Variants in CSMD1 observed in about 807,000 individuals in gnomAD.
CSMD1 encodes the protein CUB and sushi domain-containing protein 1.
Under a neutral mutation model 417.5 loss-of-function variants are expected in CSMD1, and 213 were observed. The ratio of observed to expected loss-of-function variants is 0.51; its 90% CI spans 0.46 to 0.57. CSMD1 has a LOEUF of 0.57. CSMD1 is among the 20% of genes least tolerant of loss of function. The pLI is 0.00. For synonymous variants in CSMD1, 2,862 were observed against 1,736.8 expected (o/e 1.65, Z -16.11); for missense variants, 6,923 against 4,529.7 (o/e 1.53, Z -15.17).
intron 5 of CSMD1, among the ~76,000 whole-genome samples, chr8:3,759,333 G>A (rs575321568): frequency 6.6e-6 from 1 of 151,968 alleles, no homozygotes; most frequent in East Asian, 1.9e-4. Flanking sequence ...AACAAAATAT[G>A]GTACAATGTG....
chr8:3,142,473 G>A lies in CSMD1; in HGVS notation c.6233C>T (p.Ala2078Val), dbSNP rs765162610. 1.1e-5 allele frequency: 17 copies of A among 1,613,172 alleles called. No individual in the cohort carries two copies. Among genetic ancestry groups the A allele is most frequent in the East Asian group, 6.7e-5 (3 of 44,876 alleles). ...HSQNRQGFKL[A>V]YQAYELQNCP... ...TCGTTGTTGTTCCATACCTTGGTAA[G>A]CAAGTTTAAATCCTTGCCGGTTTTG... Residue 2078 changes from alanine to valine, a missense_variant, in exon 41 of 70, where the codon GCT (alanine) becomes GTT (valine). Coordinates refer to ENST00000635120, the MANE Select transcript of CSMD1 (RefSeq NM_033225.6).
intron 3 of CSMD1, among the ~76,000 whole-genome samples, chr8:4,184,256 A>T (rs548727556): frequency 9.3e-4 from 141 of 152,364 alleles, no homozygotes; most frequent in African/African-American, 3.4e-3. Flanking sequence ...CATTCAGCAC[A>T]GCCCATATGC....
chr8:3,716,044 G>A (rs13269405), intron 6 of CSMD1, among the ~76,000 whole-genome samples: 77,080 of 151,794 alleles, frequency 0.51, 19,685 homozygotes, highest in Admixed American at 0.59. Context: ...TATTTTGGTC[G>A]AATGTCCACC....
chr8:4,870,053 C>G (rs901341018), intron 1 of CSMD1, among the ~76,000 whole-genome samples: 1 of 151,982 alleles, frequency 6.6e-6, no homozygotes, highest in Non-Finnish European at 1.5e-5. Context: ...GTACCAGAAC[C>G]GCAGACTTCA....
intron 2 of CSMD1, among the ~76,000 whole-genome samples, chr8:4,466,285 G>T (rs567143064): frequency 3.3e-5 from 5 of 152,028 alleles, no homozygotes; most frequent in South Asian, 2.1e-4. Flanking sequence ...TGATGAGGAA[G>T]AAAACAGAGG....
chr8:4,676,871 A>G (rs1304962657), intron 1 of CSMD1, among the ~76,000 whole-genome samples: 2 of 150,376 alleles, frequency 1.3e-5, no homozygotes, highest in African/African-American at 4.9e-5. Flanking sequence ...AGAGATATAC[A>G]TATTTTATAT....
chr8:4,749,373 T>A (rs1474436337), intron 1 of CSMD1, among the ~76,000 whole-genome samples: 1 of 152,264 alleles, frequency 6.6e-6, no homozygotes, highest in Non-Finnish European at 1.5e-5. Context: ...GCATAGTTGC[T>A]AAGCGGTCCT....
intron 37 of CSMD1, among the ~76,000 whole-genome samples, chr8:3,165,129 A>C (rs1350122667): frequency 2.6e-5 from 4 of 152,076 alleles, no homozygotes; most frequent in Admixed American, 1.3e-4. Context: ...TTGAAATGTA[A>C]AAAGAACCAT....
intron 3 of CSMD1, among the ~76,000 whole-genome samples, chr8:4,247,671 T>C (rs1190938181): frequency 1.3e-5 from 2 of 152,176 alleles, no homozygotes; most frequent in African/African-American, 4.8e-5. Context: ...GAAATTAATT[T>C]TGTAATGTAT....
chr8:3,489,912 C>A lies in CSMD1; in HGVS notation c.1448+3711G>T, dbSNP rs182169468. ...GCCATGAAGAGGTTTTAAACTGCTG[C>A]TTTATGTAAAATGTGTGTCATGTGA... On this transcript the variant is annotated intron_variant, in intron 11 of 69. Transcript: ENST00000635120. 5.4e-3 allele frequency among the ~76,000 whole-genome samples: 825 copies of A among 152,260 alleles called. 3 individuals are homozygous for A. Among genetic ancestry groups the A allele is most frequent in the Non-Finnish European group, 9.5e-3 (645 of 68,018 alleles).
At chr8:3,123,931 CT>C (rs1213509356) in intron 41 of CSMD1, among the ~76,000 whole-genome samples, 2 of 152,118 alleles carry the variant, frequency 1.3e-5, no homozygotes, top group African/African-American at 4.8e-5. Flanking sequence ...CAATTAAGTT[CT>C]TTTTTGGGAT....
intron 7 of CSMD1, among the ~76,000 whole-genome samples, chr8:3,672,312 G>A (rs527769026): frequency 6.6e-6 from 1 of 151,720 alleles, no homozygotes; most frequent in African/African-American, 2.4e-5. Context: ...GAATCCTAAG[G>A]TTCTCCCAAT....
chr8:4,347,841 AAAC>A (rs940609027), intron 3 of CSMD1, among the ~76,000 whole-genome samples: 1 of 104,410 alleles, frequency 9.6e-6, no homozygotes, highest in African/African-American at 6.6e-5. Flanking sequence ...TCGTTCAAAG[AAAC>A]AAAAAAAAAC....
At chr8:3,632,802 G>A (rs1207065394) in intron 7 of CSMD1, among the ~76,000 whole-genome samples, 1 of 152,164 alleles carries the variant, frequency 6.6e-6, no homozygotes, top group Non-Finnish European at 1.5e-5. Flanking sequence ...TCCTGTTTCA[G>A]GTGCAAAGAC....
At chr8:4,771,462 C>T (rs1285789385) in intron 1 of CSMD1, among the ~76,000 whole-genome samples, 1 of 152,214 alleles carries the variant, frequency 6.6e-6, no homozygotes, top group African/African-American at 2.4e-5. Flanking sequence ...TACACATCCT[C>T]CGTGCGAAGC....
chr8:3,965,193 A>G (rs1239785753), intron 5 of CSMD1, among the ~76,000 whole-genome samples: 1 of 152,140 alleles, frequency 6.6e-6, no homozygotes, highest in African/African-American at 2.4e-5. Context: ...AAAGACCAGG[A>G]GACAAGGGCG....
In CSMD1 at chr8:3,069,049, G is replaced by A. The variant is rs563570047; in HGVS notation, c.7475-16402C>T. ...CAAATCCCTTCCATTTATGAACTTG[G>A]AAAATCAAAAATAAGTTTGTAGCTT... On this transcript the variant is annotated intron_variant, in intron 49 of 69. Transcript: ENST00000635120. 2.0e-5 allele frequency among the ~76,000 whole-genome samples: 3 copies of A among 152,190 alleles called. No homozygotes were observed. In the East Asian group the frequency reaches 5.8e-4, roughly 29 times the overall value.
chr8:3,375,037 G>C (rs1169011759), intron 18 of CSMD1: 2 of 152,214 alleles, frequency 1.3e-5, no homozygotes, highest in African/African-American at 4.8e-5. Context: ...AGGAGCTGGT[G>C]ATGATACACC....
At chr8:4,298,413 AC>A (rs1797800339) in intron 3 of CSMD1, among the ~76,000 whole-genome samples, 4 of 152,260 alleles carry the variant, frequency 2.6e-5, no homozygotes, top group African/African-American at 9.6e-5. Flanking sequence ...CATACTAGAC[AC>A]TAGACTGTTA....
Sources: allele counts gnomAD v4.1 joint callset (sites outside exome capture counted in the v4.1 genomes callset), GRCh38; gene constraint gnomAD v4.1.1; transcripts MANE v1.5; gene names NCBI Gene and HGNC (gene_info 2026-07-23, HGNC 2026-07-21).